GRK4: variants seen among roughly 807,000 people sequenced by gnomAD.
The protein encoded by GRK4 is G protein-coupled receptor kinase 4, also known as G protein-coupled receptor kinase 2-like.
A neutral mutation model predicts 77.9 loss-of-function variants in GRK4; 73 were observed. The ratio of observed to expected loss-of-function variants is 0.94; its 90% CI spans 0.78 to 1.14. The LOEUF is 1.14. GRK4 is among the 50% of genes most tolerant of loss of function. The probability of loss-of-function intolerance (pLI) is 0.00; values close to 1 mark genes in which losing one functional copy is unlikely to be tolerated. For missense variants in GRK4, 729 were observed against 700.2 expected (o/e 1.04, Z -0.46); for synonymous variants, 257 against 254.4 (o/e 1.01, Z -0.10).
At chr4:2,998,657 A>G (rs547308847) in intron 4 of GRK4, among the ~76,000 whole-genome samples, 3 of 152,346 alleles carry the variant, frequency 2.0e-5, no homozygotes, top group South Asian at 2.1e-4. Flanking sequence ...ACGTAACAAC[A>G]TAAGTGTAAC....
intron 12 of GRK4, among the ~76,000 whole-genome samples, chr4:3,029,937 C>A (rs956436500): frequency 6.6e-6 from 1 of 152,214 alleles, no homozygotes; most frequent in Non-Finnish European, 1.5e-5. Context: ...CAGTAAAATT[C>A]ATGGTTTGAT....
intron 1 of GRK4, among the ~76,000 whole-genome samples, chr4:2,972,444 G>C (rs1719846019): frequency 6.6e-6 from 1 of 152,224 alleles, no homozygotes; most frequent in South Asian, 2.1e-4. Flanking sequence ...TGCTGTGCCA[G>C]TGGAGACTTT....
chr4:3,029,778 A>G (rs1738648768), intron 12 of GRK4, among the ~76,000 whole-genome samples: 1 of 152,158 alleles, frequency 6.6e-6, no homozygotes, highest in Non-Finnish European at 1.5e-5. Context: ...CCCAGCAGGG[A>G]GGACACGTTT....
intron 2 of GRK4, chr4:2,987,287 G>A: frequency 3.0e-6 from 1 of 333,216 alleles, no homozygotes; most frequent in Non-Finnish European, 5.9e-6. Flanking sequence ...TTTTGTTGGT[G>A]AATAATATTC....
intron 1 of GRK4, among the ~76,000 whole-genome samples, chr4:2,970,601 T>C (rs1312892452): frequency 1.3e-5 from 2 of 149,504 alleles, no homozygotes. Context: ...GAGGTTGCAG[T>C]GAGCCGAGAT....
chr4:3,017,924 A>T lies in GRK4; in HGVS notation c.742-1717A>T, dbSNP rs116857840. 3.7e-4 allele frequency among the ~76,000 whole-genome samples: 56 copies of T among 152,328 alleles called. 3 individuals are homozygous for T. In the East Asian group the frequency reaches 0.01, roughly 28 times the overall value. ...CCCGTGAGATCTGGAATGAGGCTAG[A>T]TACCTGCTGACCATTTCAATTCAAC... On this transcript the variant is annotated intron_variant, in intron 8 of 15. Transcript: ENST00000398052.
chr4:2,996,557 G>GA (rs1009483915), intron 4 of GRK4, among the ~76,000 whole-genome samples: 67 of 145,134 alleles, frequency 4.6e-4, no homozygotes, highest in Middle Eastern at 3.5e-3. Flanking sequence ...TCTGCCTCAG[G>GA]AAAAAAAAAA....
At chr4:3,005,256 C>T (rs754473612) in intron 5 of GRK4, among the ~76,000 whole-genome samples, 32 of 151,752 alleles carry the variant, frequency 2.1e-4, no homozygotes, top group African/African-American at 4.6e-4. Flanking sequence ...GCGGAGGAAA[C>T]GGAGGCCCAG....
rs190047881 is a variant in GRK4 at position 2,985,237 on chromosome 4, A to G, written c.148+629A>G. ...ACCACGGTGAAACCCCGTCTCTACT[A>G]AAAATACAAAAAAATTAGCTGGGTG... On this transcript the variant is annotated intron_variant, in intron 2 of 15. Transcript: ENST00000398052. Among the ~76,000 whole-genome samples, 195 of 151,778 alleles carry G rather than the reference A, an allele frequency of 1.3e-3. 1 individual carries two copies. Among genetic ancestry groups the G allele is most frequent in the Non-Finnish European group, 1.6e-3 (110 of 67,902 alleles).
chr4:2,994,185 A>G (rs1384850317), intron 4 of GRK4, among the ~76,000 whole-genome samples: 1 of 152,158 alleles, frequency 6.6e-6, no homozygotes, highest in Non-Finnish European at 1.5e-5. Flanking sequence ...TAGAAGTTTC[A>G]TTTATCTAGT....
chr4:3,024,490 G>T (rs1334453595), intron 10 of GRK4, among the ~76,000 whole-genome samples: 1 of 152,142 alleles, frequency 6.6e-6, no homozygotes, highest in African/African-American at 2.4e-5. Flanking sequence ...TGACCTCCAG[G>T]GCTGTAGCGA....
At chr4:2,995,856 C>A (rs1019792795) in intron 4 of GRK4, among the ~76,000 whole-genome samples, 10 of 152,092 alleles carry the variant, frequency 6.6e-5, no homozygotes, top group Non-Finnish European at 1.3e-4. Context: ...TAAGAGAGAA[C>A]AATGATCCAC....
intron 1 of GRK4, among the ~76,000 whole-genome samples, chr4:2,971,595 C>G (rs886562317): frequency 6.6e-6 from 1 of 152,246 alleles, no homozygotes; most frequent in Non-Finnish European, 1.5e-5. Flanking sequence ...AAGAAGAAAG[C>G]GGGGAGGACA....
chr4:3,037,535 C>T (rs779845210), intron 14 of GRK4, 24 bp downstream of exon 14: 1 of 1,587,720 alleles, frequency 6.3e-7, no homozygotes, highest in African/African-American at 1.3e-5. Flanking sequence ...AGCACAGCCG[C>T]TTTACGTTAG....
chr4:2,981,684 C>A lies in GRK4; in HGVS notation c.53-2829C>A, dbSNP rs373531587. Among the ~76,000 whole-genome samples, 24 of 152,328 alleles carry A rather than the reference C, an allele frequency of 1.6e-4. No individual in the cohort carries two copies. In the East Asian group the frequency reaches 3.3e-3, roughly 21 times the overall value. On this transcript the variant is annotated intron_variant, in intron 1 of 15. Coordinates refer to ENST00000398052, the MANE Select transcript of GRK4 (RefSeq NM_182982.3). ...TGGTCCGTGGGCGGGCCCAGAAAAA[C>A]CACCATAAGTTCTCACTCCAGTCTG...
chr4:2,967,695 G>T (rs1283943043), intron 1 of GRK4, among the ~76,000 whole-genome samples: 1 of 152,044 alleles, frequency 6.6e-6, no homozygotes. Flanking sequence ...CACTGCACCC[G>T]GCCCGTATTG....
chr4:3,032,789 C>G (rs571686379), intron 12 of GRK4, among the ~76,000 whole-genome samples: 2 of 152,156 alleles, frequency 1.3e-5, no homozygotes, highest in African/African-American at 2.4e-5. Flanking sequence ...AAATAATCCT[C>G]CATAATTACT....
intron 1 of GRK4, among the ~76,000 whole-genome samples, chr4:2,971,522 C>T (rs562177153): frequency 6.6e-6 from 1 of 152,152 alleles, no homozygotes; most frequent in Admixed American, 6.5e-5. Context: ...GGTAGGTATG[C>T]CTGGATCTGA....
chr4:3,013,827 TAGTA>T lies in GRK4; in HGVS notation c.741+3_741+6del, dbSNP rs1733628797. 2 of 1,606,492 alleles carry T rather than the reference TAGTA, an allele frequency of 1.2e-6. No homozygotes were observed. Among genetic ancestry groups the T allele is most frequent in the Non-Finnish European group, 1.7e-6 (2 of 1,177,614 alleles). The stretch of plus-strand genomic sequence containing the variant: ...CTGGAGAAAGTGCAAAGTAGATTCG[TAGTA>T]AGTGTCTCCTCTTAGTCTTCACTGT... On this transcript the variant is annotated splice_donor_variant and splice_donor_region_variant and coding_sequence_variant and intron_variant, in exon 8 of 16. Coordinates refer to ENST00000398052, the MANE Select transcript of GRK4 (RefSeq NM_182982.3). LOFTEE classifies it high-confidence loss of function.
Sources: gnomAD v4.1 joint callset for allele counts (sites outside exome capture counted in the v4.1 genomes callset) on GRCh38, gnomAD v4.1.1 for gene constraint, MANE v1.5 for transcripts, NCBI Gene and HGNC (gene_info 2026-07-23, HGNC 2026-07-21) for gene names.